SVOP: variants seen among roughly 807,000 people sequenced by gnomAD.
SVOP encodes the protein SV2 related protein, also known as synaptic vesicle 2-related protein.
A neutral mutation model predicts 69.1 loss-of-function variants in SVOP; 17 were observed. The ratio of observed to expected loss-of-function variants is 0.25; its 90% CI spans 0.17 to 0.37. The LOEUF is 0.37. Among genes scored for constraint, SVOP ranks in the 10% least tolerant of loss-of-function variants. SVOP has a pLI of 1.00. For synonymous variants in SVOP, 238 were observed against 238.6 expected, an observed-to-expected ratio of 1.00 and a Z score of 0.02; for missense variants, 435 against 597.5, an observed-to-expected ratio of 0.73 and a Z score of 2.84.
chr12:108,989,696 A>C (rs1157874988), intron 1 of SVOP, among the ~76,000 whole-genome samples: 2 of 152,238 alleles, frequency 1.3e-5, no homozygotes, highest in Non-Finnish European at 2.9e-5. Context: ...CAACACTGGC[A>C]ATAGCTGGGG....
At chr12:109,006,076 G>C (rs1024533569) in intron 1 of SVOP, among the ~76,000 whole-genome samples, 2 of 152,116 alleles carry the variant, frequency 1.3e-5, no homozygotes, top group African/African-American at 2.4e-5. Flanking sequence ...GTTTGAGAAA[G>C]AGTCTCACTC....
chr12:108,915,088 G>A (rs550584610), intron 15 of SVOP, among the ~76,000 whole-genome samples: 8 of 149,942 alleles, frequency 5.3e-5, no homozygotes, highest in Admixed American at 1.3e-4. Context: ...CAGGAGAATC[G>A]CTTGAACCTG....
chr12:108,914,778 G>A (rs1225030216), intron 15 of SVOP, among the ~76,000 whole-genome samples: 2 of 151,060 alleles, frequency 1.3e-5, no homozygotes, highest in Admixed American at 6.6e-5. Context: ...GGCTGGTCTC[G>A]AACTCCTGAC....
intron 5 of SVOP, among the ~76,000 whole-genome samples, chr12:108,962,530 T>C (rs1304617904): frequency 6.6e-6 from 1 of 152,178 alleles, no homozygotes; most frequent in Non-Finnish European, 1.5e-5. Context: ...CCCACGCTGA[T>C]CTTGAACTCC....
At chr12:108,962,264 A>C (rs1278236842) in intron 5 of SVOP, among the ~76,000 whole-genome samples, 1 of 151,836 alleles carries the variant, frequency 6.6e-6, no homozygotes, top group East Asian at 1.9e-4. Flanking sequence ...ATGCCTGGCT[A>C]ATTTTTGTAT....
At chr12:108,917,529 A>T (rs918040031) in intron 14 of SVOP, among the ~76,000 whole-genome samples, 21 of 150,318 alleles carry the variant, frequency 1.4e-4, no homozygotes, top group Admixed American at 1.1e-3. Context: ...CACATGGAAA[A>T]TAGAAAGTAA....
At chr12:108,967,328 G>A (rs545970178) in intron 5 of SVOP, among the ~76,000 whole-genome samples, 40 of 151,964 alleles carry the variant, frequency 2.6e-4, no homozygotes, top group East Asian at 9.7e-4. Context: ...GTGAAACCCC[G>A]TCTCTACTAA....
rs1267299279 is a variant in SVOP, at chr12:108,940,907, T to C, written c.645A>G (p.Val215=). The change falls in exon 8 of 16, where the codon GTA becomes GTG. Residue 215 remains valine (V), a splice_region_variant and synonymous_variant. Coordinates refer to ENST00000610966, the MANE Select transcript of SVOP (RefSeq NM_018711.5). The stretch of plus-strand genomic sequence containing the variant: ...CGAACACTGTCCCGATGGCCCAGAA[T>C]ACCTGGCACAGGAGAATCAGGGTCA... ...ARAKCILLIE[V]FWAIGTVFEV... The C allele has an allele frequency of 6.5e-7, 1 of 1,536,492 alleles. No homozygotes were observed. The highest frequency in any genetic ancestry group is 1.2e-5 in the South Asian group (1 of 84,032).
intron 1 of SVOP, among the ~76,000 whole-genome samples, chr12:108,991,981 G>A (rs191460051): frequency 6.6e-6 from 1 of 152,232 alleles, no homozygotes; most frequent in Non-Finnish European, 1.5e-5. Flanking sequence ...TAGGTATTTA[G>A]TTACGGTAAC....
intron 5 of SVOP, among the ~76,000 whole-genome samples, chr12:108,964,756 T>G (rs921664157): frequency 2.0e-5 from 3 of 152,156 alleles, no homozygotes; most frequent in Non-Finnish European, 2.9e-5. Context: ...TGTCATTCCG[T>G]CTAATATCTG....
intron 1 of SVOP, 138 bp downstream of exon 1, chr12:109,020,696 C>G: frequency 1.8e-6 from 1 of 554,234 alleles, no homozygotes; most frequent in Non-Finnish European, 3.2e-6. Context: ...CTCCTCCAGG[C>G]CCTAATTCCT....
chr12:108,985,245 A>G (rs1228675227), intron 1 of SVOP, among the ~76,000 whole-genome samples: 3 of 151,852 alleles, frequency 2.0e-5, no homozygotes, highest in African/African-American at 7.3e-5. Context: ...AAAGAAAGAA[A>G]CAAAGAAAAG....
rs186540093 is a variant in SVOP, at chr12:108,916,650, G to A, written c.1351-778C>T. On this transcript the variant is annotated intron_variant, in intron 14 of 15. Transcript: ENST00000610966. ...AGATCCCTGGATAAGAAAGGCACACGATGCGAGGAGCCTGGGTTCCCAAAT... is the reference window on the plus strand; with the variant it reads ...AGATCCCTGGATAAGAAAGGCACACAATGCGAGGAGCCTGGGTTCCCAAAT... 1.5e-4 allele frequency among the ~76,000 whole-genome samples: 23 copies of A among 152,352 alleles called. 1 individual carries two copies. Among genetic ancestry groups the A allele is most frequent in the Admixed American group, 1.2e-3 (18 of 15,306 alleles).
intron 2 of SVOP, among the ~76,000 whole-genome samples, chr12:108,982,036 ATCAC>A (rs1473412465): frequency 2.6e-5 from 4 of 151,568 alleles, no homozygotes; most frequent in African/African-American, 7.3e-5. Context: ...CACCATCATC[ATCAC>A]TATCATCATC....
Position 108,909,952 on chromosome 12 carries a change from TTTTTGTTTTG to T in SVOP, c.*2573_*2582del, listed in dbSNP as rs900010497. On this transcript the variant is annotated 3_prime_UTR_variant, in exon 16 of 16. Transcript: ENST00000610966. ...GGCAGGCTATTTACAAGGCAAAGAGTTTTTGTTTTGTTTTGTTTTGTTTTTGAGATGGAGT... is the reference window on the plus strand; with the variant it reads ...GGCAGGCTATTTACAAGGCAAAGAGTTTTTGTTTTGTTTTTGAGATGGAGT... 1 of 152,008 alleles carries T rather than the reference TTTTTGTTTTG, an allele frequency of 6.6e-6. No individual in the cohort carries two copies. The highest frequency in any genetic ancestry group is 2.4e-5 in the African/African-American group (1 of 41,252). 9.4% of individuals were successfully genotyped at this position (152,008 alleles called of 1,614,324 possible).
In SVOP at chr12:108,907,763, C is replaced by G. The variant is rs1301751014; in HGVS notation, c.*4772G>C. On this transcript the variant is annotated 3_prime_UTR_variant, in exon 16 of 16. Transcript: ENST00000610966. ...CATGAGCCACTGCACCCAGCCAGGA[C>G]CATGTCTTATGATATTTTGCATCCT... 1 of 152,252 alleles carries G rather than the reference C, an allele frequency of 6.6e-6. No homozygotes were observed. The highest frequency in any genetic ancestry group is 1.5e-5 in the Non-Finnish European group (1 of 68,096). 9.4% of individuals were successfully genotyped at this position (152,252 alleles called of 1,614,324 possible).
intron 5 of SVOP, among the ~76,000 whole-genome samples, chr12:108,967,967 G>A (rs976548523): frequency 1.3e-5 from 2 of 152,152 alleles, no homozygotes; most frequent in Non-Finnish European, 2.9e-5. Context: ...GTCTATATGG[G>A]AACGCCAAGT....
chr12:109,018,505 C>T (rs761326264), intron 1 of SVOP, among the ~76,000 whole-genome samples: 5 of 152,158 alleles, frequency 3.3e-5, no homozygotes, highest in Non-Finnish European at 5.9e-5. Flanking sequence ...TCTTGCCAAC[C>T]CTCTACAAGG....
chr12:108,917,945 A>T, intron 14 of SVOP, 98 bp downstream of exon 14: 1 of 1,007,242 alleles, frequency 9.9e-7, no homozygotes, highest in Non-Finnish European at 1.4e-6. Context: ...CGCGCCCACC[A>T]CCTCATTCTT....
Sources: gnomAD v4.1 joint callset for allele counts (sites outside exome capture counted in the v4.1 genomes callset) on GRCh38, gnomAD v4.1.1 for gene constraint, MANE v1.5 for transcripts, NCBI Gene and HGNC (gene_info 2026-07-23, HGNC 2026-07-21) for gene names.